Variants in CSMD1 observed in about 807,000 individuals in gnomAD.
CSMD1 encodes the protein CUB and sushi domain-containing protein 1.
Under a neutral mutation model 417.5 loss-of-function variants are expected in CSMD1, and 213 were observed. The ratio of observed to expected loss-of-function variants is 0.51; its 90% confidence interval spans 0.46 to 0.57. CSMD1 has a LOEUF of 0.57. CSMD1 is among the 20% of genes least tolerant of loss of function. CSMD1 has a pLI of 0.00. For missense variants in CSMD1, 6,923 were observed against 4,529.7 expected (o/e 1.53, Z -15.17); for synonymous variants, 2,862 against 1,736.8 (o/e 1.65, Z -16.11).
intron 7 of CSMD1, among the ~76,000 whole-genome samples, chr8:3,676,318 T>C (rs1257639358): frequency 2.6e-5 from 4 of 152,156 alleles, no homozygotes; most frequent in African/African-American, 9.7e-5. Context: ...GCTGTATTCT[T>C]TTCTGAAGAG....
At chr8:3,115,925 A>G (rs1004346391) in intron 42 of CSMD1, among the ~76,000 whole-genome samples, 4 of 152,296 alleles carry the variant, frequency 2.6e-5, no homozygotes, top group East Asian at 3.9e-4. Context: ...CACTTGACCT[A>G]TATAGCAATC....
At chr8:4,435,695 A>T (rs1252261090) in intron 2 of CSMD1, among the ~76,000 whole-genome samples, 2 of 152,136 alleles carry the variant, frequency 1.3e-5, no homozygotes, top group South Asian at 4.1e-4. Flanking sequence ...TGACAAGTGG[A>T]GGTGCCTCTG....
intron 10 of CSMD1, among the ~76,000 whole-genome samples, chr8:3,556,228 G>C (rs554352694): frequency 6.6e-6 from 1 of 151,412 alleles, no homozygotes; most frequent in East Asian, 1.9e-4. Flanking sequence ...TAGAATTTAG[G>C]AGGGATCCTT....
At chr8:4,103,885 T>C (rs1055260701) in intron 3 of CSMD1, among the ~76,000 whole-genome samples, 3 of 152,164 alleles carry the variant, frequency 2.0e-5, no homozygotes, top group Admixed American at 2.0e-4. Flanking sequence ...GCAGTTAATA[T>C]TTGTTCTCTC....
At chr8:3,842,816 A>G (rs965149150) in intron 5 of CSMD1, among the ~76,000 whole-genome samples, 1 of 152,224 alleles carries the variant, frequency 6.6e-6, no homozygotes, top group African/African-American at 2.4e-5. Flanking sequence ...AGTGTTCAAA[A>G]ATACATTAGC....
chr8:3,558,344 G>C (rs368298356), intron 10 of CSMD1, among the ~76,000 whole-genome samples: 15 of 124,870 alleles, frequency 1.2e-4, no homozygotes, highest in Non-Finnish European at 2.2e-4. Flanking sequence ...GTAGTACCCC[G>C]TGTCCACTCC....
At chr8:3,232,805 AT>A (rs2116921261) in intron 26 of CSMD1, among the ~76,000 whole-genome samples, 1 of 151,300 alleles carries the variant, frequency 6.6e-6, no homozygotes, top group Non-Finnish European at 1.5e-5. Context: ...ATACTAATTA[AT>A]TTTTTCTCGT....
chr8:3,942,626 C>T (rs1054638967), intron 5 of CSMD1, among the ~76,000 whole-genome samples: 1 of 152,184 alleles, frequency 6.6e-6, no homozygotes, highest in African/African-American at 2.4e-5. Context: ...GGCCATTCTA[C>T]TTACTGGTTA....
intron 3 of CSMD1, among the ~76,000 whole-genome samples, chr8:4,293,878 C>T (rs769329597): frequency 6.6e-6 from 1 of 151,778 alleles, no homozygotes; most frequent in African/African-American, 2.4e-5. Flanking sequence ...GTGGTGAGAC[C>T]AGATTTAAGG....
intron 3 of CSMD1, among the ~76,000 whole-genome samples, chr8:4,284,049 A>G (rs917496847): frequency 1.3e-5 from 2 of 152,112 alleles, no homozygotes; most frequent in Admixed American, 6.5e-5. Flanking sequence ...GCTGGCCATC[A>G]TTGTGAAACC....
intron 3 of CSMD1, among the ~76,000 whole-genome samples, chr8:4,078,038 A>G (rs1799925688): frequency 6.6e-6 from 1 of 152,138 alleles, no homozygotes; most frequent in African/African-American, 2.4e-5. Flanking sequence ...AATGCAATCC[A>G]CCAGTAGGGA....
chr8:4,124,757 G>A (rs1334391283), intron 3 of CSMD1, among the ~76,000 whole-genome samples: 1 of 152,192 alleles, frequency 6.6e-6, no homozygotes, highest in Non-Finnish European at 1.5e-5. Context: ...CTAAGGGACT[G>A]AAACTTCAAC....
intron 5 of CSMD1, among the ~76,000 whole-genome samples, chr8:3,947,834 G>C (rs1049462182): frequency 1.6e-4 from 25 of 152,146 alleles, no homozygotes; most frequent in African/African-American, 5.3e-4. Context: ...GGTCACATTT[G>C]TTAACAGGGC....
At chr8:3,099,468 G>C (rs1038065988) in intron 46 of CSMD1, among the ~76,000 whole-genome samples, 1 of 152,052 alleles carries the variant, frequency 6.6e-6, no homozygotes, top group East Asian at 1.9e-4. Context: ...TCCTTCTCTA[G>C]GCTGACCTTA....
intron 18 of CSMD1, among the ~76,000 whole-genome samples, chr8:3,384,100 T>C (rs192199284): frequency 1.3e-5 from 2 of 152,246 alleles, no homozygotes; most frequent in Admixed American, 6.5e-5. Context: ...AAAAGTTCGT[T>C]TAGTGACCTA....
intron 1 of CSMD1, among the ~76,000 whole-genome samples, chr8:4,705,824 A>G (rs1807900695): frequency 6.6e-6 from 1 of 152,166 alleles, no homozygotes; most frequent in Non-Finnish European, 1.5e-5. Flanking sequence ...AGATTATTCT[A>G]TGAGCCAGCT....
intron 10 of CSMD1, among the ~76,000 whole-genome samples, chr8:3,539,205 G>A (rs180755114): frequency 2.6e-5 from 4 of 152,052 alleles, no homozygotes; most frequent in African/African-American, 9.7e-5. Context: ...GGTCTGGAAG[G>A]ATGTTCGCAA....
intron 65 of CSMD1, among the ~76,000 whole-genome samples, chr8:2,951,682 G>C (rs1342592314): frequency 2.0e-5 from 3 of 152,140 alleles, no homozygotes; most frequent in African/African-American, 4.8e-5. Context: ...TCTACTCTTT[G>C]AAAGACTTGG....
intron 1 of CSMD1, among the ~76,000 whole-genome samples, chr8:4,837,010 G>A (rs906637481): frequency 2.7e-5 from 4 of 149,380 alleles, no homozygotes; most frequent in African/African-American, 7.7e-5. Context: ...CAGAAGACAG[G>A]GCTCTGGCCT....
Sources: gnomAD v4.1 joint callset for allele counts (sites outside exome capture counted in the v4.1 genomes callset) on GRCh38, gnomAD v4.1.1 for gene constraint, MANE v1.5 for transcripts, NCBI Gene and HGNC (gene_info 2026-07-23, HGNC 2026-07-21) for gene names.